TTC28: variants seen among roughly 807,000 people sequenced by gnomAD.
TTC28 encodes the protein tetratricopeptide repeat domain 28.
Under a neutral mutation model 198.0 loss-of-function variants are expected in TTC28, and 61 were observed. The observed-to-expected ratio is 0.31, with a 90% CI of 0.25 to 0.38. The LOEUF (loss-of-function observed/expected upper bound fraction) is 0.38. Among genes scored for constraint, TTC28 ranks in the 10% least tolerant of loss-of-function variants. TTC28 has a pLI of 1.00. For missense variants in TTC28, 2,678 were observed against 3,164.0 expected (o/e 0.85, Z 3.69); for synonymous variants, 1,171 against 1,297.8 (o/e 0.90, Z 2.10).
chr22:28,036,426 C>T (rs1047727482), intron 12 of TTC28, among the ~76,000 whole-genome samples: 2 of 151,938 alleles, frequency 1.3e-5, no homozygotes, highest in Non-Finnish European at 2.9e-5. Context: ...TTACTGGGTA[C>T]GTAACAAAAT....
At chr22:28,257,993 A>G (rs1201622165) in intron 5 of TTC28, among the ~76,000 whole-genome samples, 1 of 151,752 alleles carries the variant, frequency 6.6e-6, no homozygotes, top group African/African-American at 2.4e-5. Flanking sequence ...AAGGCCCTCA[A>G]AATTTCCCCT....
rs1442352804 is a variant in TTC28 at position 28,029,233 on chromosome 22, C to CGTA, written c.4073+992_4073+993insTAC. 15 of 404,970 alleles carry CGTA rather than the reference C, an allele frequency of 3.7e-5. 1 individual carries two copies. The highest frequency in any genetic ancestry group is 1.7e-4 in the Admixed American group (6 of 35,388). The allele number at this position is 404,970 out of a possible 1,614,324, so 25.1% of individuals were successfully genotyped here. A position where few individuals can be genotyped will look rare whatever the true frequency, so the allele number is the denominator to read the frequency against. On this transcript the variant is annotated intron_variant, in intron 13 of 22. Transcript: ENST00000397906. The stretch of plus-strand genomic sequence containing the variant: ...ACAACCAGGCTGCCAGCTCCTACAT[C>CGTA]CCCTGCCCTTGGCTCCCTTCCCACT...
At chr22:28,519,530 G>A (rs1303012825) in intron 2 of TTC28, among the ~76,000 whole-genome samples, 1 of 152,158 alleles carries the variant, frequency 6.6e-6, no homozygotes, top group Non-Finnish European at 1.5e-5. Flanking sequence ...ATAACTTGCG[G>A]ACATCACGGT....
chr22:28,606,235 C>T (rs984997696), intron 2 of TTC28, among the ~76,000 whole-genome samples: 14 of 152,004 alleles, frequency 9.2e-5, no homozygotes, highest in African/African-American at 2.9e-4. Flanking sequence ...ACATGCACGC[C>T]ATCATGCATG....
At chr22:28,544,890 C>T (rs1239453922) in intron 2 of TTC28, among the ~76,000 whole-genome samples, 1 of 152,162 alleles carries the variant, frequency 6.6e-6, no homozygotes, top group South Asian at 2.1e-4. Context: ...CCACCTCTTT[C>T]CCAGAAGTCT....
intron 8 of TTC28, among the ~76,000 whole-genome samples, chr22:28,104,065 G>A (rs1159487868): frequency 1.3e-5 from 2 of 152,154 alleles, no homozygotes; most frequent in Non-Finnish European, 2.9e-5. Context: ...GCAGTCCCTG[G>A]TCTGTTGCAA....
intron 9 of TTC28, 134 bp downstream of exon 9, chr22:28,101,037 G>A (rs995278478): frequency 6.8e-5 from 41 of 605,962 alleles, no homozygotes; most frequent in South Asian, 2.7e-4. Context: ...TAGTACAGGC[G>A]GGAAATCATA....
chr22:28,338,323 A>G (rs926365643), intron 2 of TTC28, among the ~76,000 whole-genome samples: 21 of 152,074 alleles, frequency 1.4e-4, no homozygotes, highest in Admixed American at 7.2e-4. Flanking sequence ...GTGTCTTGGC[A>G]TTGCTCTTCT....
At chr22:28,604,796 CA>C (rs1284264107) in intron 2 of TTC28, among the ~76,000 whole-genome samples, 1 of 152,050 alleles carries the variant, frequency 6.6e-6, no homozygotes, top group Non-Finnish European at 1.5e-5. Context: ...ATCTTTATTA[CA>C]GGAGACAAGA....
intron 5 of TTC28, among the ~76,000 whole-genome samples, chr22:28,180,921 T>C (rs1409439557): frequency 2.0e-5 from 3 of 152,226 alleles, no homozygotes; most frequent in South Asian, 2.1e-4. Context: ...TCTAACCAGT[T>C]TGTTCCAATG....
At chr22:28,429,254 G>C (rs563935120) in intron 2 of TTC28, among the ~76,000 whole-genome samples, 1 of 152,226 alleles carries the variant, frequency 6.6e-6, no homozygotes, top group South Asian at 2.1e-4. Flanking sequence ...CACTACCTCT[G>C]CCTGATCCTA....
intron 9 of TTC28, among the ~76,000 whole-genome samples, chr22:28,100,496 C>G (rs1312495493): frequency 6.6e-6 from 1 of 152,182 alleles, no homozygotes; most frequent in Admixed American, 6.5e-5. Context: ...TTTAAAAGTA[C>G]AGTAAAACAC....
intron 5 of TTC28, among the ~76,000 whole-genome samples, chr22:28,214,468 G>C (rs912794054): frequency 2.0e-5 from 3 of 152,144 alleles, no homozygotes; most frequent in Non-Finnish European, 4.4e-5. Flanking sequence ...AAAAGTGGGT[G>C]AAGGATATGA....
At chr22:28,331,515 C>T (rs2045615913) in intron 2 of TTC28, among the ~76,000 whole-genome samples, 1 of 152,002 alleles carries the variant, frequency 6.6e-6, no homozygotes, top group Non-Finnish European at 1.5e-5. Flanking sequence ...CCTCCAAAGT[C>T]AGGGTCATCT....
chr22:28,433,508 G>A (rs1444757290), intron 2 of TTC28, among the ~76,000 whole-genome samples: 1 of 152,128 alleles, frequency 6.6e-6, no homozygotes, highest in Admixed American at 6.6e-5. Flanking sequence ...TTTTACAAAT[G>A]TTTTAGTCTA....
intron 2 of TTC28, among the ~76,000 whole-genome samples, chr22:28,510,196 C>A (rs961171830): frequency 1.3e-5 from 2 of 152,118 alleles, no homozygotes; most frequent in Non-Finnish European, 1.5e-5. Flanking sequence ...CAGCATCATC[C>A]TAATAACAAA....
intron 5 of TTC28, among the ~76,000 whole-genome samples, chr22:28,193,362 G>C (rs1199883401): frequency 6.6e-6 from 1 of 152,126 alleles, no homozygotes; most frequent in African/African-American, 2.4e-5. Flanking sequence ...TTGATGCTAG[G>C]AAGAAACTGC....
At chr22:28,326,653 T>C (rs940444149) in intron 2 of TTC28, among the ~76,000 whole-genome samples, 5 of 152,182 alleles carry the variant, frequency 3.3e-5, no homozygotes, top group Admixed American at 1.3e-4. Flanking sequence ...TACTTGGAGA[T>C]ATTATCAGAA....
Position 27,999,259 on chromosome 22 carries a change from G to C in TTC28, c.4400C>G (p.Ser1467Cys). The change falls in exon 16 of 23, where the codon TCT (serine) becomes TGT (cysteine). Residue 1467 changes from serine to cysteine, a missense_variant and splice_region_variant. Physicochemically the swap from Ser to Cys is moderately radical, Grantham distance 112. Transcript: ENST00000397906. ...SIRSLSVQSKSHLRKNPPTYS... is the reference protein window; with the variant it reads ...SIRSLSVQSKCHLRKNPPTYS... ...TGTGGGCGGGTTCTTCCGTAAGTGAGACTAGGAGGGGAGGGGACAAAGCAG... is the reference window on the plus strand; with the variant it reads ...TGTGGGCGGGTTCTTCCGTAAGTGACACTAGGAGGGGAGGGGACAAAGCAG... 1 of 1,546,012 alleles carries C rather than the reference G, an allele frequency of 6.5e-7. No homozygotes were observed. Among genetic ancestry groups the C allele is most frequent in the Non-Finnish European group, 8.7e-7 (1 of 1,144,232 alleles).
Sources: allele counts gnomAD v4.1 joint callset (sites outside exome capture counted in the v4.1 genomes callset), GRCh38; gene constraint gnomAD v4.1.1; transcripts MANE v1.5; gene names NCBI Gene and HGNC (gene_info 2026-07-23, HGNC 2026-07-21).